The following SLC17A7 variants were observed in gnomAD, a reference collection of about 807,000 sequenced individuals.
The protein encoded by SLC17A7 is vesicular glutamate transporter 1.
A neutral mutation model predicts 59.1 loss-of-function variants in SLC17A7; 15 were observed. That is an observed-to-expected ratio of 0.25 (90% CI 0.17 to 0.39). The LOEUF (loss-of-function observed/expected upper bound fraction) is 0.39, where lower values mean the gene tolerates loss of function less well. Among genes scored for constraint, SLC17A7 ranks in the 10% least tolerant of loss-of-function variants. SLC17A7 has a pLI of 1.00. For synonymous variants in SLC17A7, 353 were observed against 308.9 expected (o/e 1.14, Z -1.50); for missense variants, 499 against 765.1 (o/e 0.65, Z 4.10).
chr19:49,433,383 T>G lies in SLC17A7; in HGVS notation c.867+343A>C. 4.4e-6 allele frequency: 2 copies of G among 451,032 alleles called. No individual in the cohort carries two copies. The highest frequency in any genetic ancestry group is 8.2e-6 in the Non-Finnish European group (2 of 242,872). The allele number at this position is 451,032 out of a possible 1,614,324, so 27.9% of individuals were successfully genotyped here. A position where few individuals can be genotyped will look rare whatever the true frequency, so the allele number is the denominator to read the frequency against. ...TGTTGGGATTGCAGGCGGAAGCCAC[T>G]GAGCCTGCCCTAGGAGTCTCTTTTT... On this transcript the variant is annotated intron_variant, in intron 7 of 11. Coordinates refer to ENST00000221485, the MANE Select transcript of SLC17A7 (RefSeq NM_020309.4). The surrounding 1 kb of genome is among the most constrained non-coding windows in gnomAD (Gnocchi z 5.7).
rs561509075 is a variant in SLC17A7, at chr19:49,429,847, C to T, written c.*672G>A. ...GTAGAGAGGCATATTGTTAAAATTG[C>T]GATTTTGGTTGTTTCCCCAGACATT... On this transcript the variant is annotated 3_prime_UTR_variant, in exon 12 of 12. Transcript: ENST00000221485. 1.5e-5 allele frequency: 5 copies of T among 331,288 alleles called. No individual in the cohort carries two copies. Among genetic ancestry groups the T allele is most frequent in the South Asian group, 3.1e-4 (2 of 6,386 alleles). 20.5% of individuals were successfully genotyped at this position (331,288 alleles called of 1,614,324 possible).
At position 49,431,197 on chromosome 19, in the gene SLC17A7, C is replaced by A; in HGVS notation, c.1262-55G>T. 1 of 1,581,380 alleles carries A rather than the reference C, an allele frequency of 6.3e-7. No homozygotes were observed. The highest frequency in any genetic ancestry group is 8.6e-7 in the Non-Finnish European group (1 of 1,160,584). ...CACCGGAATCTCACTCGAGTGATTC[C>A]CACTGGGACGTTCTCAACCCTCTCC... On this transcript the variant is annotated intron_variant, in intron 10 of 11. Coordinates refer to ENST00000221485, the MANE Select transcript of SLC17A7 (RefSeq NM_020309.4). The surrounding 1 kb of genome is among the most constrained non-coding windows in gnomAD (Gnocchi z 4.6).
intron 1 of SLC17A7, among the ~76,000 whole-genome samples, chr19:49,440,875 GA>G (rs2078997494): frequency 6.6e-6 from 1 of 152,098 alleles, no homozygotes; most frequent in Non-Finnish European, 1.5e-5. Context: ...GCAATGGCCA[GA>G]GAACCAGAGA....
At position 49,431,793 on chromosome 19, in the gene SLC17A7, TTTTA is replaced by T. The variant is rs2078961650; in HGVS notation, c.1151-349_1151-346del. 6.8e-6 allele frequency among the ~76,000 whole-genome samples: 1 copy of T among 146,422 alleles called. No individual in the cohort carries two copies. The highest frequency in any genetic ancestry group is 2.5e-5 in the African/African-American group (1 of 39,606). On this transcript the variant is annotated intron_variant, in intron 9 of 11. Coordinates refer to ENST00000221485, the MANE Select transcript of SLC17A7 (RefSeq NM_020309.4). This position sits in a 1 kb window ranked among gnomAD's most constrained non-coding sequence, Gnocchi z 4.6. ...CTCATGAGTTTTTGGTTTTTTTTTT[TTTTA>T]ATTTTTGATTTTTTATTTTTTTTAA... is the stretch of plus-strand genomic sequence containing the variant.
At position 49,436,619 on chromosome 19, in the gene SLC17A7, T is replaced by C. The variant is rs756877219; in HGVS notation, c.245A>G (p.Asn82Ser). The change falls in exon 2 of 12, where the codon AAC becomes AGC. Residue 82 changes from asparagine to serine, a missense_variant. Asn to Ser is a conservative substitution (Grantham distance 46). Transcript: ENST00000221485. This position sits in a 1 kb window ranked among gnomAD's most constrained non-coding sequence, Gnocchi z 4.1. Reference protein sequence around the residue: ...GFCISFGIRCNLGVAIVSMVN... With the variant: ...GFCISFGIRCSLGVAIVSMVN... Reference sequence around the variant, plus strand: ...CATGGAGACGATGGCCACGCCCAGGTTGCAGCGGATGCCAAAGCTGATGCA... The same window carrying C: ...CATGGAGACGATGGCCACGCCCAGGCTGCAGCGGATGCCAAAGCTGATGCA... 3 of 1,614,010 alleles carry C rather than the reference T, an allele frequency of 1.9e-6. No homozygotes were observed. The highest frequency in any genetic ancestry group is 1.7e-6 in the Non-Finnish European group (2 of 1,179,980).
intron 1 of SLC17A7, among the ~76,000 whole-genome samples, chr19:49,440,440 G>C (rs963275054): frequency 1.3e-5 from 2 of 152,188 alleles, no homozygotes; most frequent in Admixed American, 6.5e-5. Flanking sequence ...CTGTGGGGAG[G>C]TGTCCAGATT....
chr19:49,435,488 G>A (rs2078976664), intron 2 of SLC17A7: 2 of 532,710 alleles, frequency 3.8e-6, no homozygotes, highest in Non-Finnish European at 6.7e-6. Flanking sequence ...TAGGGCCTAT[G>A]CTGCCTTAAC....
rs2078966510 is a variant in SLC17A7 at position 49,432,965 on chromosome 19, G to A, written c.868-5C>T. The A allele has an allele frequency of 6.2e-7, 1 of 1,604,874 alleles. No individual in the cohort carries two copies. The highest frequency in any genetic ancestry group is 8.5e-7 in the Non-Finnish European group (1 of 1,175,938). ...CCGCCAGGGAGTGCTAAACTTCTGT[G>A]GGGGCGAGGGGAGGGCCGCTAAGAC... is the stretch of plus-strand genomic sequence containing the variant. On this transcript the variant is annotated splice_polypyrimidine_tract_variant and splice_region_variant and intron_variant, in intron 7 of 11. Coordinates refer to ENST00000221485, the MANE Select transcript of SLC17A7 (RefSeq NM_020309.4).
In SLC17A7 at chr19:49,433,871, G is replaced by T; in HGVS notation, c.725-3C>A. ...GTACCAGAAGATCCCGAAGCTGCCT[G>T]GGGGGGTCAGGAGGGGGATGGGAGC... On this transcript the variant is annotated splice_polypyrimidine_tract_variant and splice_region_variant and intron_variant, in intron 6 of 11. Transcript: ENST00000221485. This position sits in a 1 kb window ranked among gnomAD's most constrained non-coding sequence, Gnocchi z 5.7. 1 of 1,610,188 alleles carries T rather than the reference G, an allele frequency of 6.2e-7. No homozygotes were observed. The highest frequency in any genetic ancestry group is 8.5e-7 in the Non-Finnish European group (1 of 1,177,350).
Position 49,441,334 on chromosome 19 carries a change from G to C in SLC17A7, c.46C>G (p.Leu16Val). 1 of 1,610,150 alleles carries C rather than the reference G, an allele frequency of 6.2e-7. No individual in the cohort carries two copies. The highest frequency in any genetic ancestry group is 8.5e-7 in the Non-Finnish European group (1 of 1,179,024). ...CAGGCTCACCGGTGCAGCTTCCCGA[G>C]AGCACGACCCGCTAGCTTCCGAAAC... ...EEFRKLAGRA[L>V]GKLHRLLEKR... Residue 16 changes from leucine to valine, a missense_variant, in exon 1 of 12, where the codon CTC becomes GTC. Transcript: ENST00000221485.
chr19:49,434,972 G>A, intron 3 of SLC17A7, 90 bp from the exon 4 acceptor site: 1 of 1,315,890 alleles, frequency 7.6e-7, no homozygotes, highest in Non-Finnish European at 1.1e-6. Context: ...AGGCCCAGTG[G>A]TCCCCGGGAC....
Position 49,433,128 on chromosome 19 carries a change from G to A in SLC17A7, c.868-168C>T. 1 of 701,954 alleles carries A rather than the reference G, an allele frequency of 1.4e-6. No homozygotes were observed. The highest frequency in any genetic ancestry group is 2.4e-6 in the Non-Finnish European group (1 of 423,624). The allele number at this position is 701,954 out of a possible 1,614,324, so 43.5% of individuals were successfully genotyped here. ...TACACCATGTTGCCGTGGGGACCCA[G>A]GGATCCTAGCCTCAAGGTGACACTT... On this transcript the variant is annotated intron_variant, in intron 7 of 11. Transcript: ENST00000221485. The surrounding 1 kb of genome is among the most constrained non-coding windows in gnomAD (Gnocchi z 5.7).
At chr19:49,437,383 G>A (rs138306044) in intron 1 of SLC17A7, 1 of 157,200 alleles carries the variant, frequency 6.4e-6, no homozygotes, top group African/African-American at 2.4e-5. Flanking sequence ...GTCCTGGCAG[G>A]GGACAGATGG....
Position 49,431,160 on chromosome 19 carries a change from C to A in SLC17A7, c.1262-18G>T, listed in dbSNP as rs780455901. 10 of 1,608,522 alleles carry A rather than the reference C, an allele frequency of 6.2e-6. No individual in the cohort carries two copies. The highest frequency in any genetic ancestry group is 8.5e-6 in the Non-Finnish European group (10 of 1,176,710). On this transcript the variant is annotated intron_variant, in intron 10 of 11. Coordinates refer to ENST00000221485, the MANE Select transcript of SLC17A7 (RefSeq NM_020309.4). The surrounding 1 kb of genome is among the most constrained non-coding windows in gnomAD (Gnocchi z 4.6). ...GTTGAACCCTGGCGGAGAGACAAGT[C>A]GGAAGGCGTCACACCGGAATCTCAC...
chr19:49,441,260 G>T, intron 1 of SLC17A7, 58 bp downstream of exon 1: 1 of 1,579,446 alleles, frequency 6.3e-7, no homozygotes, highest in Non-Finnish European at 8.6e-7. Context: ...GCCCAGGTGG[G>T]AATTAGCATC....
chr19:49,434,570 G>A, intron 5 of SLC17A7, 32 bp downstream of exon 5: 1 of 1,562,484 alleles, frequency 6.4e-7, no homozygotes, highest in Non-Finnish European at 8.7e-7. Flanking sequence ...TCCTCCCTCA[G>A]ATTCAGGAGT....
In SLC17A7 at chr19:49,430,154, G is replaced by A. The variant is rs1168229243; in HGVS notation, c.*365C>T. 1 of 178,440 alleles carries A rather than the reference G, an allele frequency of 5.6e-6. No homozygotes were observed. Among genetic ancestry groups the A allele is most frequent in the African/African-American group, 2.4e-5 (1 of 42,288 alleles). 11.1% of individuals were successfully genotyped at this position (178,440 alleles called of 1,614,324 possible). The stretch of plus-strand genomic sequence containing the variant: ...TGAGTGATCTCAAAGGTTAGCCTGA[G>A]AGTCCCTGGAGATAAAGGAAAGCGG... On this transcript the variant is annotated 3_prime_UTR_variant, in exon 12 of 12. Coordinates refer to ENST00000221485, the MANE Select transcript of SLC17A7 (RefSeq NM_020309.4).
Position 49,436,960 on chromosome 19 carries a change from C to T in SLC17A7, c.63-159G>A. On this transcript the variant is annotated intron_variant, in intron 1 of 11. Transcript: ENST00000221485. The surrounding 1 kb of genome is among the most constrained non-coding windows in gnomAD (Gnocchi z 4.1). The stretch of plus-strand genomic sequence containing the variant: ...TCCAGGTCCCTGGCTCCCTTCGCCC[C>T]CCTGATCCAGAAATCCTCCATCTCC... The T allele has an allele frequency of 1.8e-6, 2 of 1,111,592 alleles. No individual in the cohort carries two copies. Among genetic ancestry groups the T allele is most frequent in the East Asian group, 2.6e-5 (1 of 38,552 alleles). The allele number at this position is 1,111,592 out of a possible 1,614,324, so 68.9% of individuals were successfully genotyped here.
chr19:49,438,881 A>T (rs1388586682), intron 1 of SLC17A7, among the ~76,000 whole-genome samples: 1 of 152,186 alleles, frequency 6.6e-6, no homozygotes, highest in Non-Finnish European at 1.5e-5. Flanking sequence ...CTGTCTAAAC[A>T]GGGGGTCTCA....
Sources: allele counts gnomAD v4.1 joint callset (sites outside exome capture counted in the v4.1 genomes callset), GRCh38; gene constraint gnomAD v4.1.1; non-coding constraint Gnocchi (gnomAD v3.1); transcripts MANE v1.5; gene names NCBI Gene and HGNC (gene_info 2026-07-23, HGNC 2026-07-21).